PAFAH2: variants seen among roughly 807,000 people sequenced by gnomAD.
PAFAH2 encodes the protein platelet activating factor acetylhydrolase 2, also known as platelet-activating factor acetylhydrolase 2, cytoplasmic.
A neutral mutation model predicts 49.0 loss-of-function variants in PAFAH2; 42 were observed. The ratio of observed to expected loss-of-function variants is 0.86; its 90% CI spans 0.67 to 1.11. The LOEUF is 1.11. PAFAH2 is among the 50% of genes least tolerant of loss of function. The pLI is 0.00. For missense variants in PAFAH2, 503 were observed against 501.8 expected (o/e 1.00, Z -0.02); for synonymous variants, 184 against 181.3 (o/e 1.01, Z -0.12).
chr1:25,988,212 G>A lies in PAFAH2; in HGVS notation c.341+19C>T, dbSNP rs142513887. On this transcript the variant is annotated intron_variant, in intron 4 of 10. Transcript: ENST00000374282. ...CCAGGCAAGGAGTATGGCAAGGTCT[G>A]GGGGAAAGAAGCTCTTACCTGAAGG... is the stretch of plus-strand genomic sequence containing the variant. The A allele has an allele frequency of 2.0e-6, 3 of 1,528,668 alleles. No individual in the cohort carries two copies. The highest frequency in any genetic ancestry group is 1.4e-5 in the African/African-American group (1 of 71,874). The allele number at this position is 1,528,668 out of a possible 1,614,324, so 94.7% of individuals were successfully genotyped here. A position where few individuals can be genotyped will look rare whatever the true frequency, so the allele number is the denominator to read the frequency against.
rs1427140619 is a variant in PAFAH2 at position 25,960,407 on chromosome 1, T to G, written c.*1582A>C. The stretch of plus-strand genomic sequence containing the variant: ...TTGATGCCCCCAAATAGCTTTGAAC[T>G]GGATCCCTAAGAAGACTTCCTTCCT... On this transcript the variant is annotated 3_prime_UTR_variant, in exon 11 of 11. Transcript: ENST00000374282. 4.6e-5 allele frequency: 7 copies of G among 152,678 alleles called. No homozygotes were observed. The East Asian group carries it at 1.3e-3, about 29-fold the overall frequency. The allele number at this position is 152,678 out of a possible 1,614,324, so 9.5% of individuals were successfully genotyped here.
Position 25,989,472 on chromosome 1 carries a change from C to T in PAFAH2, c.220G>A (p.Gly74Ser), listed in dbSNP as rs575613976. 7 of 1,604,952 alleles carry T rather than the reference C, an allele frequency of 4.4e-6. No homozygotes were observed. Among genetic ancestry groups the T allele is most frequent in the Non-Finnish European group, 4.3e-6 (5 of 1,175,518 alleles). ...EYLQFNKRCGGLLFNLAVGSC... is the reference protein window; with the variant it reads ...EYLQFNKRCGSLLFNLAVGSC... ...CCCACCGCCAGGTTGAACAGCAAGCCCCCGCAGCGCTTATTAAACTGCAGG... is the reference window on the plus strand; with the variant it reads ...CCCACCGCCAGGTTGAACAGCAAGCTCCCGCAGCGCTTATTAAACTGCAGG... Residue 74 changes from glycine (G) to serine (S), a missense_variant, in exon 3 of 11, where the codon GGC (glycine) becomes AGC (serine). Gly to Ser is a moderately conservative substitution (Grantham distance 56). Coordinates refer to ENST00000374282, the MANE Select transcript of PAFAH2 (RefSeq NM_000437.4).
chr1:25,963,667 C>A (rs2049375740), intron 10 of PAFAH2, among the ~76,000 whole-genome samples: 1 of 152,158 alleles, frequency 6.6e-6, no homozygotes, highest in African/African-American at 2.4e-5. Context: ...CCACACCCAG[C>A]TAATTTTGTA....
Position 25,961,877 on chromosome 1 carries a change from A to G in PAFAH2, c.*112T>C, listed in dbSNP as rs1572334245. 6 of 681,890 alleles carry G rather than the reference A, an allele frequency of 8.8e-6. No individual in the cohort carries two copies. In the South Asian group the frequency reaches 9.7e-5, roughly 11 times the overall value. The allele number at this position is 681,890 out of a possible 1,614,324, so 42.2% of individuals were successfully genotyped here. A position where few individuals can be genotyped will look rare whatever the true frequency, so the allele number is the denominator to read the frequency against. On this transcript the variant is annotated 3_prime_UTR_variant, in exon 11 of 11. Coordinates refer to ENST00000374282, the MANE Select transcript of PAFAH2 (RefSeq NM_000437.4). ...AGCAGCAGTGTGATTACACCTTTCA[A>G]TCTGTGAAAAGGGGTCACGTTGATC...
intron 10 of PAFAH2, among the ~76,000 whole-genome samples, chr1:25,967,244 AGACAAGGATGAAGACTTT>A (rs374074434): frequency 1.3e-5 from 2 of 152,154 alleles, no homozygotes; most frequent in African/African-American, 4.8e-5. Context: ...ATGAGAGAAG[AGACAAGGATGAAGACTTT>A]GACCTGAGTA....
intron 7 of PAFAH2, among the ~76,000 whole-genome samples, chr1:25,978,508 A>G (rs298443): frequency 0.23 from 35,003 of 152,118 alleles, 4,406 homozygotes; most frequent in African/African-American, 0.33. Context: ...CCGATCACCA[A>G]ATCTTTTCCT....
At chr1:25,984,389 T>C (rs2049746290) in intron 5 of PAFAH2, 71 bp downstream of exon 5, 1 of 1,139,198 alleles carries the variant, frequency 8.8e-7, no homozygotes, top group Non-Finnish European at 1.3e-6. Flanking sequence ...TTAGAAATAG[T>C]ACATTGATAG....
intron 7 of PAFAH2, among the ~76,000 whole-genome samples, chr1:25,981,956 G>T (rs888594200): frequency 1.3e-5 from 2 of 152,058 alleles, no homozygotes; most frequent in Non-Finnish European, 2.9e-5. Flanking sequence ...GGGAGGCGGA[G>T]GTTGCAGTAA....
intron 10 of PAFAH2, among the ~76,000 whole-genome samples, chr1:25,963,677 A>G (rs946983724): frequency 6.6e-6 from 1 of 152,120 alleles, no homozygotes; most frequent in African/African-American, 2.4e-5. Flanking sequence ...CTAATTTTGT[A>G]TTTTTAGTAG....
chr1:25,990,666 AG>A, intron 2 of PAFAH2, 60 bp downstream of exon 2: 1 of 1,349,018 alleles, frequency 7.4e-7, no homozygotes, highest in Non-Finnish European at 1.1e-6. Context: ...ACTTGTGATC[AG>A]TAAGTCACGG....
chr1:25,990,323 G>A (rs1396755213), intron 2 of PAFAH2, among the ~76,000 whole-genome samples: 1 of 152,092 alleles, frequency 6.6e-6, no homozygotes, highest in Non-Finnish European at 1.5e-5. Context: ...GAGAGAAAAG[G>A]AAGCTGTCCC....
intron 4 of PAFAH2, among the ~76,000 whole-genome samples, chr1:25,986,516 G>A (rs1435898764): frequency 6.6e-6 from 1 of 152,114 alleles, no homozygotes; most frequent in Non-Finnish European, 1.5e-5. Context: ...AACTGAATTA[G>A]GTTCAAAGAG....
chr1:25,991,354 G>C (rs966994913), intron 1 of PAFAH2, among the ~76,000 whole-genome samples: 1 of 151,722 alleles, frequency 6.6e-6, no homozygotes, highest in South Asian at 2.1e-4. Flanking sequence ...GATCTTGCTC[G>C]CTGCAACCTC....
intron 7 of PAFAH2, among the ~76,000 whole-genome samples, chr1:25,977,622 T>G (rs1263313628): frequency 1.4e-5 from 2 of 145,968 alleles, no homozygotes; most frequent in Non-Finnish European, 3.0e-5. Context: ...ACCACTGCAT[T>G]CCAGCCTGGG....
chr1:25,982,281 A>G, intron 7 of PAFAH2, 83 bp downstream of exon 7: 2 of 994,200 alleles, frequency 2.0e-6, no homozygotes, highest in Non-Finnish European at 3.2e-6. Context: ...CTTTTGGTTC[A>G]TACCAGTTAG....
chr1:25,984,563 A>G (rs971229477), intron 4 of PAFAH2, 35 bp from the exon 5 acceptor site: 10 of 1,544,788 alleles, frequency 6.5e-6, no homozygotes, highest in Admixed American at 5.0e-5. Context: ...AAAAGGGATC[A>G]AAAGAACAGC....
intron 1 of PAFAH2, 36 bp downstream of exon 1, chr1:25,997,989 A>T (rs2049960266): frequency 6.6e-6 from 1 of 152,228 alleles, no homozygotes; most frequent in Admixed American, 6.5e-5. Context: ...CAGGAAGCTC[A>T]ATTGAGATAT....
intron 1 of PAFAH2, among the ~76,000 whole-genome samples, chr1:25,994,850 A>T (rs1175814540): frequency 6.6e-6 from 1 of 152,196 alleles, no homozygotes. Flanking sequence ...AGTTTCTGGG[A>T]AGATCATCAA....
chr1:25,970,578 A>G (rs1189473518), intron 10 of PAFAH2, among the ~76,000 whole-genome samples: 1 of 152,142 alleles, frequency 6.6e-6, no homozygotes, highest in Admixed American at 6.5e-5. Flanking sequence ...TCAGGGCACC[A>G]CAGTTTATCT....
Sources: allele counts gnomAD v4.1 joint callset (sites outside exome capture counted in the v4.1 genomes callset), GRCh38; gene constraint gnomAD v4.1.1; transcripts MANE v1.5; gene names NCBI Gene and HGNC (gene_info 2026-07-23, HGNC 2026-07-21).